Variants in WDR76 observed in about 807,000 individuals in gnomAD.
WDR76 encodes WD repeat domain 76, also known as WD repeat-containing protein 76.
WDR76 carries 52 observed loss-of-function variants against 70.2 expected under a neutral mutation model. The ratio of observed to expected loss-of-function variants is 0.74; its 90% CI spans 0.59 to 0.93. The LOEUF (loss-of-function observed/expected upper bound fraction) is 0.93, where lower values mean the gene tolerates loss of function less well. Among genes scored for constraint, WDR76 ranks in the 40% least tolerant of loss-of-function variants. The pLI, the probability that WDR76 is intolerant of heterozygous loss-of-function variation, is 0.00. For synonymous variants in WDR76, 292 were observed against 271.1 expected (o/e 1.08, Z -0.76); for missense variants, 756 against 760.2 (o/e 0.99, Z 0.07).
chr15:43,848,862 C>T (rs1321458902), intron 8 of WDR76, among the ~76,000 whole-genome samples: 4 of 151,426 alleles, frequency 2.6e-5, no homozygotes, highest in South Asian at 2.1e-4. Context: ...TGCTTGAACC[C>T]GGGAGGCAGA....
chr15:43,848,149 T>C (rs928287417), intron 8 of WDR76, among the ~76,000 whole-genome samples: 1 of 152,028 alleles, frequency 6.6e-6, no homozygotes, highest in African/African-American at 2.4e-5. Context: ...GAGCTGGGAA[T>C]ATCACCTGAG....
chr15:43,840,497 C>T (rs2087711218), intron 5 of WDR76, among the ~76,000 whole-genome samples: 2 of 152,058 alleles, frequency 1.3e-5, no homozygotes, highest in South Asian at 4.2e-4. Context: ...TTTTATTTAG[C>T]AAACATTTTC....
intron 11 of WDR76, among the ~76,000 whole-genome samples, chr15:43,860,669 T>A (rs1031995301): frequency 2.4e-4 from 36 of 149,624 alleles, no homozygotes; most frequent in African/African-American, 8.6e-4. Flanking sequence ...TACCTAGCTA[T>A]TTTTTTTTAA....
intron 3 of WDR76, 134 bp downstream of exon 3, chr15:43,835,284 T>A: frequency 1.6e-6 from 1 of 621,820 alleles, no homozygotes. Context: ...CTGGGTAACA[T>A]ACGGAGACCC....
At chr15:43,854,387 T>C (rs566599498) in intron 9 of WDR76, among the ~76,000 whole-genome samples, 60 of 152,068 alleles carry the variant, frequency 3.9e-4, no homozygotes, top group African/African-American at 1.4e-3. Context: ...CTGGCCAACA[T>C]AGTGAAACCG....
chr15:43,834,998 T>C (rs2087637006), intron 2 of WDR76, 63 bp from the exon 3 acceptor site: 6 of 1,368,040 alleles, frequency 4.4e-6, no homozygotes, highest in African/African-American at 1.4e-5. Flanking sequence ...ACATGTAGTT[T>C]TGTGAAGTGC....
intron 4 of WDR76, among the ~76,000 whole-genome samples, chr15:43,837,909 T>G (rs1172548626): frequency 6.8e-6 from 1 of 147,952 alleles, no homozygotes; most frequent in Admixed American, 6.9e-5. Context: ...GGAGTCTCGC[T>G]CTGTTGCCCA....
At chr15:43,835,179 A>G (rs2087639826) in intron 3 of WDR76, 29 bp downstream of exon 3, 2 of 1,603,936 alleles carry the variant, frequency 1.2e-6, no homozygotes, top group Non-Finnish European at 1.7e-6. Flanking sequence ...TAAAAGCAAG[A>G]TGCAGGGCCG....
chr15:43,829,599 C>G (rs542253791), intron 2 of WDR76, among the ~76,000 whole-genome samples: 1 of 147,980 alleles, frequency 6.8e-6, no homozygotes, highest in South Asian at 2.2e-4. Flanking sequence ...CTCCTCCTCC[C>G]GGGTTCACAC....
intron 7 of WDR76, among the ~76,000 whole-genome samples, chr15:43,843,484 T>G (rs905804536): frequency 1.6e-4 from 24 of 152,220 alleles, no homozygotes; most frequent in African/African-American, 5.8e-4. Flanking sequence ...TGTATGTGTT[T>G]GTTGAAGTAT....
At position 43,843,901 on chromosome 15, in the gene WDR76, C is replaced by T. The variant is rs747241279; in HGVS notation, c.879C>T (p.Ser293=). 5 of 1,559,270 alleles carry T rather than the reference C, an allele frequency of 3.2e-6. No individual in the cohort carries two copies. Among genetic ancestry groups the T allele is most frequent in the Non-Finnish European group, 4.3e-6 (5 of 1,152,226 alleles). Residue 293 remains serine, a splice_region_variant and synonymous_variant, in exon 8 of 13, where the codon AGC becomes AGT. Coordinates refer to ENST00000263795, the MANE Select transcript of WDR76 (RefSeq NM_024908.4). ...NTEKGLSSIK[S]YKANLNGMVI... Reference sequence around the variant, plus strand: ...AAATTTAACTTTGTAATTTTCTTAGCTACAAAGCCAATTTAAATGGCATGG... The same window carrying T: ...AAATTTAACTTTGTAATTTTCTTAGTTACAAAGCCAATTTAAATGGCATGG...
intron 8 of WDR76, among the ~76,000 whole-genome samples, chr15:43,845,559 T>G (rs550257023): frequency 3.3e-5 from 5 of 150,338 alleles, no homozygotes; most frequent in Admixed American, 1.3e-4. Context: ...CTGTGAGAAA[T>G]AAAATGCTGC....
chr15:43,832,039 A>G (rs2087596408), intron 2 of WDR76, among the ~76,000 whole-genome samples: 1 of 152,088 alleles, frequency 6.6e-6, no homozygotes, highest in South Asian at 2.1e-4. Flanking sequence ...GAGCCACTGC[A>G]CCTGGCCCAG....
intron 9 of WDR76, among the ~76,000 whole-genome samples, chr15:43,852,077 ATCT>A (rs2087866310): frequency 2.0e-5 from 3 of 152,214 alleles, no homozygotes; most frequent in Admixed American, 1.3e-4. Context: ...AAAATAAGAC[ATCT>A]TCTACTTAAT....
intron 3 of WDR76, 142 bp downstream of exon 3, chr15:43,835,292 C>T: frequency 2.5e-6 from 1 of 404,520 alleles, no homozygotes; most frequent in South Asian, 2.9e-5. Context: ...CATACGGAGA[C>T]CCGCCCCCCG....
chr15:43,852,223 A>C (rs1425964836), intron 9 of WDR76, among the ~76,000 whole-genome samples: 1 of 152,136 alleles, frequency 6.6e-6, no homozygotes, highest in Non-Finnish European at 1.5e-5. Context: ...TACTCTCGTC[A>C]CCTAGGCTGG....
In WDR76 at chr15:43,828,307, A is replaced by G; in HGVS notation, c.403A>G (p.Ser135Gly). Residue 135 changes from serine to glycine, a missense_variant, in exon 2 of 13, where the codon AGT becomes GGT. Ser to Gly is a moderately conservative substitution (Grantham distance 56). Coordinates refer to ENST00000263795, the MANE Select transcript of WDR76 (RefSeq NM_024908.4). ...PKRTADAMNL[S>G]VDVESSQDGD... ...GAGAACGGCAGATGCGATGAATCTC[A>G]GTGTTGATGTGGAAAGTAGTCAGGA... The G allele has an allele frequency of 6.2e-7, 1 of 1,614,118 alleles. No homozygotes were observed. The highest frequency in any genetic ancestry group is 8.5e-7 in the Non-Finnish European group (1 of 1,180,034).
chr15:43,842,711 G>A (rs1314518271), intron 7 of WDR76, 40 bp downstream of exon 7: 2 of 1,578,092 alleles, frequency 1.3e-6, no homozygotes, highest in East Asian at 2.2e-5. Flanking sequence ...TATTTTTTGA[G>A]ATGTTTGAGT....
At chr15:43,834,131 T>G (rs1462668487) in intron 2 of WDR76, among the ~76,000 whole-genome samples, 1 of 152,104 alleles carries the variant, frequency 6.6e-6, no homozygotes, top group Non-Finnish European at 1.5e-5. Context: ...TTTTTTGAAT[T>G]TTCTTTTCTT....
Sources: gnomAD v4.1 joint callset for allele counts (sites outside exome capture counted in the v4.1 genomes callset) on GRCh38, gnomAD v4.1.1 for gene constraint, MANE v1.5 for transcripts, NCBI Gene and HGNC (gene_info 2026-07-23, HGNC 2026-07-21) for gene names.